Variants in MLLT3 observed in about 807,000 individuals in gnomAD.
The protein encoded by MLLT3 is MLLT3 super elongation complex subunit.
Under a neutral mutation model 53.2 loss-of-function variants are expected in MLLT3, and 4 were observed. That is an observed-to-expected ratio of 0.08 (90% CI 0.04 to 0.17). The LOEUF (loss-of-function observed/expected upper bound fraction) is 0.17, where lower values mean the gene tolerates loss of function less well. Among genes scored for constraint, MLLT3 ranks in the 10% least tolerant of loss-of-function variants. The probability of loss-of-function intolerance (pLI) is 1.00; values close to 1 mark genes in which losing one functional copy is unlikely to be tolerated. For synonymous variants in MLLT3, 283 were observed against 230.6 expected (o/e 1.23, Z -2.06); for missense variants, 569 against 684.0 (o/e 0.83, Z 1.87).
intron 9 of MLLT3, among the ~76,000 whole-genome samples, chr9:20,354,532 A>T (rs1821116061): frequency 6.6e-6 from 1 of 152,190 alleles, no homozygotes; most frequent in Non-Finnish European, 1.5e-5. Context: ...TCTCTACCAC[A>T]ATTCTCTTAA....
chr9:20,487,148 G>A (rs984674133), intron 2 of MLLT3, among the ~76,000 whole-genome samples: 2 of 152,042 alleles, frequency 1.3e-5, no homozygotes, highest in African/African-American at 4.8e-5. Context: ...AGGTCCTAAA[G>A]CTGCCGAATA....
chr9:20,501,781 A>C (rs1274960788), intron 2 of MLLT3, among the ~76,000 whole-genome samples: 5 of 149,234 alleles, frequency 3.4e-5, no homozygotes, highest in Admixed American at 3.3e-4. Context: ...AAAAAAAAAA[A>C]AAAAACCGCA....
chr9:20,615,375 A>C (rs1257739149), intron 2 of MLLT3, among the ~76,000 whole-genome samples: 18 of 147,456 alleles, frequency 1.2e-4, no homozygotes, highest in African/African-American at 3.8e-4. Context: ...AAAAAAAAAA[A>C]AAAAAAAAAA....
chr9:20,389,776 C>T (rs540431418), intron 5 of MLLT3, among the ~76,000 whole-genome samples: 1 of 151,992 alleles, frequency 6.6e-6, no homozygotes, highest in South Asian at 2.1e-4. Flanking sequence ...GAGACCCCGT[C>T]CGGTAAGGGA....
intron 2 of MLLT3, among the ~76,000 whole-genome samples, chr9:20,599,697 A>G (rs1820368814): frequency 6.6e-6 from 1 of 152,162 alleles, no homozygotes; most frequent in Non-Finnish European, 1.5e-5. Flanking sequence ...TGCCACTCTA[A>G]AAAAGGGTGA....
At chr9:20,361,972 G>C (rs1437298774) in intron 7 of MLLT3, among the ~76,000 whole-genome samples, 1 of 152,174 alleles carries the variant, frequency 6.6e-6, no homozygotes, top group African/African-American at 2.4e-5. Context: ...CATCCTTTTA[G>C]CAAAAACTGA....
chr9:20,349,958 T>C (rs1258038497), intron 10 of MLLT3, among the ~76,000 whole-genome samples: 1 of 152,254 alleles, frequency 6.6e-6, no homozygotes, highest in Non-Finnish European at 1.5e-5. Flanking sequence ...TTGGGAATTA[T>C]TTGCCAAAGG....
At chr9:20,600,440 C>G (rs1695311402) in intron 2 of MLLT3, among the ~76,000 whole-genome samples, 1 of 152,180 alleles carries the variant, frequency 6.6e-6, no homozygotes, top group Non-Finnish European at 1.5e-5. Flanking sequence ...CCTTCCTTAA[C>G]CAACCCCAAC....
At chr9:20,490,825 T>A (rs1014190090) in intron 2 of MLLT3, among the ~76,000 whole-genome samples, 8 of 152,118 alleles carry the variant, frequency 5.3e-5, no homozygotes, top group African/African-American at 1.9e-4. Flanking sequence ...ATTTTACACA[T>A]GAGGAAACTA....
intron 3 of MLLT3, among the ~76,000 whole-genome samples, chr9:20,450,120 A>C (rs1395324477): frequency 6.6e-6 from 1 of 152,158 alleles, no homozygotes; most frequent in Non-Finnish European, 1.5e-5. Context: ...CAGCAATTCT[A>C]ACTGCTTGCC....
intron 4 of MLLT3, among the ~76,000 whole-genome samples, chr9:20,424,766 C>T (rs1823101035): frequency 6.6e-6 from 1 of 152,174 alleles, no homozygotes; most frequent in African/African-American, 2.4e-5. Context: ...CTCAGCTCCA[C>T]CACTTGCTAA....
intron 2 of MLLT3, among the ~76,000 whole-genome samples, chr9:20,531,620 C>T (rs1034415550): frequency 6.6e-6 from 1 of 152,104 alleles, no homozygotes; most frequent in Non-Finnish European, 1.5e-5. Flanking sequence ...TTTCTATTTC[C>T]ACACTTTCAC....
intron 5 of MLLT3, among the ~76,000 whole-genome samples, chr9:20,378,930 A>ATTAGAT (rs1821843053): frequency 6.6e-6 from 1 of 152,048 alleles, no homozygotes; most frequent in Admixed American, 6.6e-5. Flanking sequence ...GATTAGTAAT[A>ATTAGAT]TTAGATTTCT....
intron 5 of MLLT3, among the ~76,000 whole-genome samples, chr9:20,366,494 A>G (rs1821455378): frequency 6.6e-6 from 1 of 152,192 alleles, no homozygotes; most frequent in Non-Finnish European, 1.5e-5. Context: ...GAATAGTGCC[A>G]CAATAAACAT....
intron 2 of MLLT3, among the ~76,000 whole-genome samples, chr9:20,608,447 G>A (rs760205453): frequency 6.6e-6 from 1 of 151,832 alleles, no homozygotes; most frequent in Non-Finnish European, 1.5e-5. Flanking sequence ...TTACACATGG[G>A]TATCTTTCTG....
At chr9:20,582,903 C>G (rs574075984) in intron 2 of MLLT3, among the ~76,000 whole-genome samples, 58 of 152,204 alleles carry the variant, frequency 3.8e-4, no homozygotes, top group Admixed American at 3.4e-3. Flanking sequence ...TCATTCCACC[C>G]CTGGCCCCTC....
intron 4 of MLLT3, among the ~76,000 whole-genome samples, chr9:20,419,448 A>G (rs1374694954): frequency 6.6e-6 from 1 of 151,934 alleles, no homozygotes; most frequent in Non-Finnish European, 1.5e-5. Context: ...AGAGGTAATA[A>G]TTAAAGTAAT....
At chr9:20,388,857 G>A (rs560010157) in intron 5 of MLLT3, among the ~76,000 whole-genome samples, 3 of 152,212 alleles carry the variant, frequency 2.0e-5, no homozygotes, top group Admixed American at 6.5e-5. Flanking sequence ...CTGACCTAAC[G>A]TGACATTCCA....
intron 2 of MLLT3, among the ~76,000 whole-genome samples, chr9:20,474,805 C>T (rs933532221): frequency 6.6e-6 from 1 of 152,088 alleles, no homozygotes; most frequent in Admixed American, 6.6e-5. Context: ...AAGAAACACA[C>T]TCTTTTGCAA....
Sources: allele counts gnomAD v4.1 joint callset (sites outside exome capture counted in the v4.1 genomes callset), GRCh38; gene constraint gnomAD v4.1.1; transcripts MANE v1.5; gene names NCBI Gene and HGNC (gene_info 2026-07-23, HGNC 2026-07-21).